GRIK3: variants seen among roughly 807,000 people sequenced by gnomAD.
GRIK3 encodes glutamate ionotropic receptor kainate type subunit 3.
Under a neutral mutation model 102.5 loss-of-function variants are expected in GRIK3, and 29 were observed. The ratio of observed to expected loss-of-function variants is 0.28; its 90% CI spans 0.21 to 0.39. The LOEUF (loss-of-function observed/expected upper bound fraction) is 0.39, where lower values mean the gene tolerates loss of function less well. GRIK3 is among the 10% of genes least tolerant of loss of function. The pLI is 1.00. For synonymous variants in GRIK3, 511 were observed against 504.9 expected (o/e 1.01, Z -0.16); for missense variants, 908 against 1,252.4 (o/e 0.73, Z 4.15).
intron 1 of GRIK3, among the ~76,000 whole-genome samples, chr1:36,906,481 G>T (rs1432945746): frequency 6.6e-6 from 1 of 152,222 alleles, no homozygotes; most frequent in Middle Eastern, 3.2e-3. Flanking sequence ...GTGAAACAAT[G>T]AGTGCTACTA....
At position 36,917,535 on chromosome 1, in the gene GRIK3, G is replaced by A. The variant is rs527276449; in HGVS notation, c.116-26439C>T. On this transcript the variant is annotated intron_variant, in intron 1 of 15. Coordinates refer to ENST00000373091, the MANE Select transcript of GRIK3 (RefSeq NM_000831.4). Reference sequence around the variant, plus strand: ...ACCCACTGAGAGGTAATTGAATCATGGGGGCAGGTATTTCTTGTGCTGTTC... The same window carrying A: ...ACCCACTGAGAGGTAATTGAATCATAGGGGCAGGTATTTCTTGTGCTGTTC... Among the ~76,000 whole-genome samples, 24 of 152,300 alleles carry A rather than the reference G, an allele frequency of 1.6e-4. 1 individual carries two copies. The highest frequency in any genetic ancestry group is 5.3e-4 in the African/African-American group (22 of 41,570).
At chr1:36,869,709 C>CCCA (rs1557708614) in intron 5 of GRIK3, 39 bp downstream of exon 5, 12 of 1,454,548 alleles carry the variant, frequency 8.2e-6, no homozygotes, top group Non-Finnish European at 1.2e-5. Flanking sequence ...CCATGAGAGT[C>CCCA]CCACCCCTTT....
chr1:36,855,570 A>C (rs1196504731), intron 7 of GRIK3, among the ~76,000 whole-genome samples: 3 of 152,262 alleles, frequency 2.0e-5, no homozygotes, highest in African/African-American at 7.2e-5. Flanking sequence ...GGCTCTGCAC[A>C]AACAAAGCAA....
intron 1 of GRIK3, among the ~76,000 whole-genome samples, chr1:36,900,849 G>A (rs1485120875): frequency 1.3e-5 from 2 of 152,106 alleles, no homozygotes; most frequent in Non-Finnish European, 2.9e-5. Context: ...CAAATTGTTA[G>A]TATCAGAAGT....
chr1:36,807,138 C>T (rs1486112607), intron 13 of GRIK3, among the ~76,000 whole-genome samples: 1 of 152,138 alleles, frequency 6.6e-6, no homozygotes, highest in Non-Finnish European at 1.5e-5. Flanking sequence ...CTGTAGGGTC[C>T]TGGGCTGGAC....
intron 2 of GRIK3, among the ~76,000 whole-genome samples, chr1:36,888,143 A>G (rs1641063252): frequency 6.6e-6 from 1 of 152,218 alleles, no homozygotes. Context: ...AAACCAACAC[A>G]TAAGTGTAAC....
At chr1:36,981,251 G>T (rs999934517) in intron 1 of GRIK3, among the ~76,000 whole-genome samples, 3 of 152,178 alleles carry the variant, frequency 2.0e-5, no homozygotes, top group African/African-American at 7.2e-5. Flanking sequence ...GGAAGCAAGT[G>T]GCTGGAGGGC....
At chr1:37,016,849 G>A (rs1333594079) in intron 1 of GRIK3, among the ~76,000 whole-genome samples, 2 of 152,160 alleles carry the variant, frequency 1.3e-5, no homozygotes, top group African/African-American at 4.8e-5. Context: ...TCATAACCCA[G>A]AAATAGAGTT....
chr1:36,885,053 G>C (rs892724857), intron 2 of GRIK3, among the ~76,000 whole-genome samples: 1 of 152,250 alleles, frequency 6.6e-6, no homozygotes, highest in Non-Finnish European at 1.5e-5. Context: ...TGAAATCGTT[G>C]TGATACTAAA....
chr1:37,034,143 C>G lies in GRIK3; in HGVS notation c.-35G>C, dbSNP rs1642861567. The stretch of plus-strand genomic sequence containing the variant: ...CCGCCGAGCGTGCCCGGGGCGCGGC[C>G]GTGGCGGGCTCCCTGGGGCGGCAGC... On this transcript the variant is annotated 5_prime_UTR_variant, in exon 1 of 16. Coordinates refer to ENST00000373091, the MANE Select transcript of GRIK3 (RefSeq NM_000831.4). 6.8e-6 allele frequency: 8 copies of G among 1,176,110 alleles called. No homozygotes were observed. The highest frequency in any genetic ancestry group is 4.8e-5 in the African/African-American group (3 of 61,924). The allele number at this position is 1,176,110 out of a possible 1,614,324, so 72.9% of individuals were successfully genotyped here.
intron 9 of GRIK3, among the ~76,000 whole-genome samples, chr1:36,843,970 T>C (rs1362410902): frequency 2.0e-5 from 3 of 152,224 alleles, no homozygotes; most frequent in Non-Finnish European, 4.4e-5. Flanking sequence ...CAGGGTGGGA[T>C]GGGCAGTGGA....
chr1:37,030,462 G>A (rs1234876162), intron 1 of GRIK3, among the ~76,000 whole-genome samples: 1 of 151,882 alleles, frequency 6.6e-6, no homozygotes, highest in Non-Finnish European at 1.5e-5. Context: ...GGAAACTCAG[G>A]ACCTTGCAGC....
intron 1 of GRIK3, among the ~76,000 whole-genome samples, chr1:36,914,121 C>T (rs1242812116): frequency 6.6e-6 from 1 of 152,226 alleles, no homozygotes; most frequent in Non-Finnish European, 1.5e-5. Context: ...GCTTTCTCAT[C>T]TAGCAACAGT....
intron 5 of GRIK3, among the ~76,000 whole-genome samples, chr1:36,862,538 T>C (rs866375988): frequency 2.3e-4 from 35 of 152,320 alleles, no homozygotes; most frequent in Middle Eastern, 3.4e-3. Flanking sequence ...AAGCGATTAC[T>C]CGTGACTGAG....
intron 10 of GRIK3, among the ~76,000 whole-genome samples, chr1:36,834,713 A>C (rs1241370874): frequency 3.9e-5 from 6 of 152,118 alleles, no homozygotes; most frequent in African/African-American, 1.4e-4. Flanking sequence ...GATGCATCAC[A>C]ATCTCTATCG....
intron 2 of GRIK3, among the ~76,000 whole-genome samples, chr1:36,885,718 G>C (rs928382280): frequency 2.6e-5 from 4 of 152,140 alleles, no homozygotes; most frequent in Admixed American, 2.0e-4. Context: ...GACCAGGGCA[G>C]GGCTTACAGC....
chr1:36,855,222 C>T (rs1464185255), intron 7 of GRIK3, among the ~76,000 whole-genome samples: 1 of 152,162 alleles, frequency 6.6e-6, no homozygotes, highest in Non-Finnish European at 1.5e-5. Context: ...GGGAGCCTGG[C>T]TCCCAGTCCT....
Position 36,939,227 on chromosome 1 carries a change from G to A in GRIK3, c.116-48131C>T, listed in dbSNP as rs911447955. Among the ~76,000 whole-genome samples the A allele has an allele frequency of 7.2e-5, 11 of 152,358 alleles. No homozygotes were observed. In the East Asian group the frequency reaches 1.2e-3, roughly 16 times the overall value. The stretch of plus-strand genomic sequence containing the variant: ...CATGTGCCCCCAGAGGGAGCGGGGC[G>A]GAGAGGTGCAGCCCCCAAGGGGAGT... On this transcript the variant is annotated intron_variant, in intron 1 of 15. Coordinates refer to ENST00000373091, the MANE Select transcript of GRIK3 (RefSeq NM_000831.4).
chr1:36,839,240 A>G (rs1640419156), intron 10 of GRIK3, among the ~76,000 whole-genome samples: 1 of 152,192 alleles, frequency 6.6e-6, no homozygotes, highest in African/African-American at 2.4e-5. Context: ...CCCAGACTCC[A>G]AGCCCCACTC....
Sources: gnomAD v4.1 joint callset for allele counts (sites outside exome capture counted in the v4.1 genomes callset) on GRCh38, gnomAD v4.1.1 for gene constraint, MANE v1.5 for transcripts, NCBI Gene and HGNC (gene_info 2026-07-23, HGNC 2026-07-21) for gene names.